CADPS: variants seen among roughly 807,000 people sequenced by gnomAD.
CADPS encodes calcium-dependent secretion activator 1.
CADPS carries 57 observed loss-of-function variants against 167.3 expected under a neutral mutation model. The observed-to-expected ratio is 0.34, with a 90% CI of 0.28 to 0.42. The LOEUF is 0.42. CADPS is among the 20% of genes least tolerant of loss of function. The probability of loss-of-function intolerance (pLI) is 1.00; values close to 1 mark genes in which losing one functional copy is unlikely to be tolerated. For synonymous variants in CADPS, 676 were observed against 635.3 expected (o/e 1.06, Z -0.96); for missense variants, 1,414 against 1,738.1 (o/e 0.81, Z 3.32).
At chr3:62,530,972 G>A (rs2073529222) in intron 13 of CADPS, among the ~76,000 whole-genome samples, 1 of 152,120 alleles carries the variant, frequency 6.6e-6, no homozygotes, top group Non-Finnish European at 1.5e-5. Flanking sequence ...AAAAAAAGAT[G>A]CAAACTTGCA....
At chr3:62,489,750 T>C (rs751277352) in intron 21 of CADPS, among the ~76,000 whole-genome samples, 3 of 152,202 alleles carry the variant, frequency 2.0e-5, no homozygotes, top group African/African-American at 4.8e-5. Flanking sequence ...TTCAAGACCA[T>C]TGTTATTTTA....
intron 23 of CADPS, among the ~76,000 whole-genome samples, chr3:62,477,299 C>A (rs2061442976): frequency 6.9e-6 from 1 of 145,146 alleles, no homozygotes; most frequent in Admixed American, 7.1e-5. Flanking sequence ...GTAGCCTGTG[C>A]TGCTTGCAAT....
At chr3:62,581,579 GCTGAGGTGGGAGGACTGC>G in intron 8 of CADPS, among the ~76,000 whole-genome samples, 1 of 152,186 alleles carries the variant, frequency 6.6e-6, no homozygotes, top group African/African-American at 2.4e-5. Context: ...TACTTGGGAG[GCTGAGGTGGGAGGACTGC>G]CTGAGCCCAA....
At chr3:62,490,933 A>G (rs555416006) in intron 21 of CADPS, among the ~76,000 whole-genome samples, 1 of 152,308 alleles carries the variant, frequency 6.6e-6, no homozygotes, top group South Asian at 2.1e-4. Flanking sequence ...AGTATATAGT[A>G]TATGGCCTTT....
intron 1 of CADPS, among the ~76,000 whole-genome samples, chr3:62,863,579 A>G (rs774390236): frequency 6.6e-6 from 1 of 152,180 alleles, no homozygotes; most frequent in Non-Finnish European, 1.5e-5. Flanking sequence ...CAGGGATGTT[A>G]AGTGGCTTAA....
chr3:62,756,527 C>T (rs530309900), intron 2 of CADPS, among the ~76,000 whole-genome samples: 3 of 152,274 alleles, frequency 2.0e-5, no homozygotes, highest in Admixed American at 6.5e-5. Context: ...AGGAATACAA[C>T]GGTGAGGAAG....
In CADPS at chr3:62,491,449, G is replaced by A. The variant is rs367678151; in HGVS notation, c.2916C>T (p.His972=). 10 of 1,613,826 alleles carry A rather than the reference G, an allele frequency of 6.2e-6. No individual in the cohort carries two copies. In the African/African-American group the frequency reaches 1.3e-4, roughly 22 times the overall value. Residue 972 remains histidine (H), a synonymous_variant, in exon 21 of 30, where the codon CAC becomes CAT. Transcript: ENST00000383710. ...CAAGTGGGGCAAACAGGTCTTGCAG[G>A]TGTTTGTGAAATTTTCCATTGCACA... ...YNLCNGKFHK[H]LQDLFAPLVV...
intron 1 of CADPS, among the ~76,000 whole-genome samples, chr3:62,857,017 G>C (rs1424830705): frequency 6.6e-6 from 1 of 151,936 alleles, no homozygotes; most frequent in Non-Finnish European, 1.5e-5. Context: ...TGTTCAGCTA[G>C]ACATAAATAT....
At chr3:62,534,829 T>C (rs531208530) in intron 12 of CADPS, among the ~76,000 whole-genome samples, 4 of 152,284 alleles carry the variant, frequency 2.6e-5, no homozygotes, top group South Asian at 4.1e-4. Context: ...TACACAGGTA[T>C]ACAAATGGGG....
chr3:62,496,754 C>G (rs933951480), intron 18 of CADPS, among the ~76,000 whole-genome samples: 4 of 152,080 alleles, frequency 2.6e-5, no homozygotes, highest in African/African-American at 4.8e-5. Flanking sequence ...TCCTGGACAC[C>G]CTGCGTTCTA....
chr3:62,837,137 G>A (rs2076014574), intron 1 of CADPS, among the ~76,000 whole-genome samples: 1 of 152,096 alleles, frequency 6.6e-6, no homozygotes, highest in Non-Finnish European at 1.5e-5. Flanking sequence ...CACATTCTAT[G>A]TGCCAAGGAA....
intron 13 of CADPS, among the ~76,000 whole-genome samples, chr3:62,525,007 T>C (rs2071700596): frequency 1.3e-5 from 2 of 152,214 alleles, no homozygotes; most frequent in African/African-American, 4.8e-5. Context: ...GTAGTATGTG[T>C]GGCTTTTTGA....
intron 28 of CADPS, among the ~76,000 whole-genome samples, chr3:62,437,340 CTTTTTT>C (rs11295364): frequency 7.8e-6 from 1 of 128,208 alleles, no homozygotes; most frequent in Non-Finnish European, 1.7e-5. Flanking sequence ...AAGCAGGTTC[CTTTTTT>C]TTTTTTTTTT....
chr3:62,634,944 A>G (rs912707432), intron 6 of CADPS, among the ~76,000 whole-genome samples: 6 of 152,160 alleles, frequency 3.9e-5, no homozygotes, highest in Non-Finnish European at 8.8e-5. Flanking sequence ...GGCCAATAGC[A>G]TCTTATGCAC....
At chr3:62,727,215 C>T (rs2152074374) in intron 3 of CADPS, among the ~76,000 whole-genome samples, 1 of 151,864 alleles carries the variant, frequency 6.6e-6, no homozygotes, top group Admixed American at 6.6e-5. Context: ...TTCATAGTAG[C>T]TTCAAACTAG....
At chr3:62,763,724 A>C (rs547032) in intron 2 of CADPS, among the ~76,000 whole-genome samples, 1 of 151,972 alleles carries the variant, frequency 6.6e-6, no homozygotes, top group Non-Finnish European at 1.5e-5. Context: ...CAGAAACTTC[A>C]CTTTAGAGGA....
intron 6 of CADPS, among the ~76,000 whole-genome samples, chr3:62,619,736 A>G (rs1201418985): frequency 1.3e-5 from 2 of 152,168 alleles, no homozygotes; most frequent in Admixed American, 6.6e-5. Context: ...ATTACAAGGG[A>G]CAGAGAAAAG....
chr3:62,606,252 G>A (rs1029608516), intron 6 of CADPS, among the ~76,000 whole-genome samples: 1 of 152,176 alleles, frequency 6.6e-6, no homozygotes. Flanking sequence ...ATTGTAAAAT[G>A]TAATCTCCAA....
At position 62,593,191 on chromosome 3, in the gene CADPS, G is replaced by T. The variant is rs999437981; in HGVS notation, c.1326-443C>A. ...TTCAAATGAGACTTCAACAATAGTGGTGGGGAGGTGGGGAGCCCCATTTTC... is the reference window on the plus strand; with the variant it reads ...TTCAAATGAGACTTCAACAATAGTGTTGGGGAGGTGGGGAGCCCCATTTTC... On this transcript the variant is annotated intron_variant, in intron 6 of 29. Transcript: ENST00000383710. Among the ~76,000 whole-genome samples, 10 of 152,222 alleles carry T rather than the reference G, an allele frequency of 6.6e-5. No individual in the cohort carries two copies. In the South Asian group the frequency reaches 2.1e-3, roughly 31 times the overall value.
Sources: gnomAD v4.1 joint callset for allele counts (sites outside exome capture counted in the v4.1 genomes callset) on GRCh38, gnomAD v4.1.1 for gene constraint, MANE v1.5 for transcripts, NCBI Gene and HGNC (gene_info 2026-07-23, HGNC 2026-07-21) for gene names.